Variants in CLIC5 observed in about 807,000 individuals in gnomAD.
CLIC5 encodes CLIC family member 5.
CLIC5 carries 20 observed loss-of-function variants against 24.7 expected under a neutral mutation model. The observed-to-expected ratio is 0.81, with a 90% confidence interval of 0.57 to 1.18. The LOEUF is 1.18. Ranked by LOEUF, CLIC5 falls within the 50% of genes most tolerant of loss-of-function variation. The probability of loss-of-function intolerance (pLI) is 0.00; values close to 1 mark genes in which losing one functional copy is unlikely to be tolerated. For missense variants in CLIC5, 341 were observed against 326.1 expected (o/e 1.05, Z -0.35); for synonymous variants, 159 against 135.6 (o/e 1.17, Z -1.20).
chr6:46,079,618 T>C (rs1762869597), intron 1 of CLIC5: 1 of 1,163,624 alleles, frequency 8.6e-7, no homozygotes, highest in Non-Finnish European at 1.2e-6. Context: ...GCATTATGAA[T>C]CTTTCCCTGG....
At chr6:46,088,787 C>A in the CLIC5 span, among the ~76,000 whole-genome samples, 1 of 152,206 alleles carries the variant, frequency 6.6e-6, no homozygotes, top group East Asian at 1.9e-4. Flanking sequence ...TCAAAGATAT[C>A]TTTCTTTATT....
At chr6:46,045,510 G>A (rs1419077335) in intron 1 of CLIC5, among the ~76,000 whole-genome samples, 1 of 152,132 alleles carries the variant, frequency 6.6e-6, no homozygotes, top group Non-Finnish European at 1.5e-5. Flanking sequence ...TCTCCATGAT[G>A]CTGGTTGCCA....
chr6:46,086,610 C>T, the CLIC5 span, among the ~76,000 whole-genome samples: 1 of 152,156 alleles, frequency 6.6e-6, no homozygotes, highest in African/African-American at 2.4e-5. Context: ...ATTTTATGCT[C>T]ATAGGATGAT....
At chr6:46,007,267 C>T (rs959186884) in intron 1 of CLIC5, among the ~76,000 whole-genome samples, 3 of 152,178 alleles carry the variant, frequency 2.0e-5, no homozygotes, top group Non-Finnish European at 4.4e-5. Flanking sequence ...AAACTTAAAG[C>T]TCAATTAGTT....
the CLIC5 span, among the ~76,000 whole-genome samples, chr6:46,090,316 G>A: frequency 6.6e-6 from 1 of 151,920 alleles, no homozygotes; most frequent in African/African-American, 2.4e-5. Flanking sequence ...ACTGTTGCCT[G>A]CTTTCGGCTC....
chr6:45,914,566 A>C, intron 4 of CLIC5, 157 bp from the exon 5 acceptor site: 1 of 1,249,878 alleles, frequency 8.0e-7, no homozygotes, highest in Non-Finnish European at 1.0e-6. Flanking sequence ...CATTAACACA[A>C]TGCAGTAGAA....
At chr6:45,912,100 G>T (rs1561925283) in intron 5 of CLIC5, 1 of 986,174 alleles carries the variant, frequency 1.0e-6, no homozygotes, top group East Asian at 1.1e-4. Flanking sequence ...TTCTGAATTT[G>T]CTCTTTCATA....
the CLIC5 span, among the ~76,000 whole-genome samples, chr6:46,089,806 T>C: frequency 6.6e-6 from 1 of 152,244 alleles, no homozygotes; most frequent in Non-Finnish European, 1.5e-5. Flanking sequence ...AGCATATTAA[T>C]GGAACTTAGT....
At chr6:46,101,915 G>C in the CLIC5 span, among the ~76,000 whole-genome samples, 6,590 of 140,144 alleles carry the variant, frequency 0.047, 156 homozygotes, top group Middle Eastern at 0.064. Context: ...ATTCCTGGGG[G>C]AAAAAATATT....
chr6:46,087,082 A>C, the CLIC5 span, among the ~76,000 whole-genome samples: 1 of 152,082 alleles, frequency 6.6e-6, no homozygotes, highest in Non-Finnish European at 1.5e-5. Context: ...ATGATCCCCA[A>C]ATTTCACCAT....
intron 1 of CLIC5, among the ~76,000 whole-genome samples, chr6:46,060,717 G>T (rs1328337353): frequency 1.3e-5 from 2 of 150,828 alleles, no homozygotes; most frequent in East Asian, 1.9e-4. Flanking sequence ...TGCCACCCTG[G>T]TGCCTGCATT....
At chr6:45,989,648 T>C (rs927433950) in intron 1 of CLIC5, among the ~76,000 whole-genome samples, 1 of 152,190 alleles carries the variant, frequency 6.6e-6, no homozygotes, top group Non-Finnish European at 1.5e-5. Context: ...ATCTCTGCAG[T>C]GGTTCTGTTT....
intron 4 of CLIC5, among the ~76,000 whole-genome samples, chr6:45,922,087 T>G (rs1763285789): frequency 6.6e-6 from 1 of 152,244 alleles, no homozygotes; most frequent in African/African-American, 2.4e-5. Flanking sequence ...TTCCCTCGTG[T>G]GGCGTCAGCT....
chr6:45,884,325 GC>G (rs1367114559), intron 6 of CLIC5, among the ~76,000 whole-genome samples: 1 of 152,200 alleles, frequency 6.6e-6, no homozygotes, highest in African/African-American at 2.4e-5. Context: ...AAGATGATTG[GC>G]AGGAATGTAG....
chr6:46,060,654 T>C (rs909038471), intron 1 of CLIC5, among the ~76,000 whole-genome samples: 1 of 152,152 alleles, frequency 6.6e-6, no homozygotes, highest in Admixed American at 6.5e-5. Flanking sequence ...CAGCACAGGA[T>C]TGGGTAGGAC....
intron 1 of CLIC5, among the ~76,000 whole-genome samples, chr6:46,046,242 G>A (rs1421513071): frequency 6.6e-6 from 1 of 152,182 alleles, no homozygotes; most frequent in African/African-American, 2.4e-5. Flanking sequence ...ACTATGTAAT[G>A]AAGACAATCT....
the CLIC5 span, among the ~76,000 whole-genome samples, chr6:46,095,303 C>T: frequency 6.6e-6 from 1 of 152,206 alleles, no homozygotes; most frequent in Non-Finnish European, 1.5e-5. Context: ...ATTTCTGCAG[C>T]CTGCTTGAAT....
In CLIC5 at chr6:45,956,357, G is replaced by A. The variant is rs926602490; in HGVS notation, c.64-1113C>T. ...GCCCTGGAAACCATGGCCCCCGCAG[G>A]TGGCCTGGCAGGGCATTCCACTGAC... is the stretch of plus-strand genomic sequence containing the variant. On this transcript the variant is annotated intron_variant, in intron 1 of 5. Transcript: ENST00000339561. Among the ~76,000 whole-genome samples, 7 of 152,288 alleles carry A rather than the reference G, an allele frequency of 4.6e-5. No homozygotes were observed. In the South Asian group the frequency reaches 1.0e-3, roughly 23 times the overall value.
At chr6:45,889,396 G>A (rs1762330747) in intron 6 of CLIC5, among the ~76,000 whole-genome samples, 1 of 152,156 alleles carries the variant, frequency 6.6e-6, no homozygotes, top group Non-Finnish European at 1.5e-5. Flanking sequence ...CCACACTGGG[G>A]ATTAGGTTTC....
Sources: gnomAD v4.1 joint callset for allele counts (sites outside exome capture counted in the v4.1 genomes callset) on GRCh38, gnomAD v4.1.1 for gene constraint, MANE v1.5 for transcripts, NCBI Gene and HGNC (gene_info 2026-07-23, HGNC 2026-07-21) for gene names.